Variants in SLC25A12 observed in about 807,000 individuals in gnomAD.
SLC25A12 encodes electrogenic aspartate/glutamate antiporter SLC25A12, mitochondrial.
A neutral mutation model predicts 83.3 loss-of-function variants in SLC25A12; 32 were observed. The observed-to-expected ratio is 0.38, with a 90% confidence interval of 0.29 to 0.52. The LOEUF (loss-of-function observed/expected upper bound fraction) is 0.52, where lower values mean the gene tolerates loss of function less well. Ranked by LOEUF, SLC25A12 falls within the 20% of genes least tolerant of loss-of-function variation. The pLI is 0.84. For synonymous variants in SLC25A12, 267 were observed against 291.1 expected (o/e 0.92, Z 0.84); for missense variants, 611 against 835.6 (o/e 0.73, Z 3.31).
chr2:171,892,792 T>C (rs1685971469), intron 2 of SLC25A12, among the ~76,000 whole-genome samples: 2 of 152,130 alleles, frequency 1.3e-5, no homozygotes, highest in African/African-American at 4.8e-5. Context: ...AATATTCTTA[T>C]CTCTGTAACA....
Position 171,828,088 on chromosome 2 carries a change from T to A in SLC25A12, c.846-1206A>T, listed in dbSNP as rs183332153. Among the ~76,000 whole-genome samples the A allele has an allele frequency of 2.0e-5, 3 of 152,290 alleles. No homozygotes were observed. In the East Asian group the frequency reaches 5.8e-4, roughly 29 times the overall value. On this transcript the variant is annotated intron_variant, in intron 8 of 17. Transcript: ENST00000422440. ...TCCATGTGGAAGCACCTGACCACCA[T>A]TGCCTGGTTTGGGTGAGGGACCTGA...
At chr2:171,868,260 T>G (rs905195086) in intron 3 of SLC25A12, among the ~76,000 whole-genome samples, 1 of 151,708 alleles carries the variant, frequency 6.6e-6, no homozygotes, top group African/African-American at 2.4e-5. Flanking sequence ...AATTACATGT[T>G]TACTAATATT....
intron 3 of SLC25A12, among the ~76,000 whole-genome samples, chr2:171,862,778 A>C (rs754613157): frequency 6.6e-6 from 1 of 152,248 alleles, no homozygotes; most frequent in Non-Finnish European, 1.5e-5. Context: ...TCAGAAAACT[A>C]TGATAGAACC....
chr2:171,832,597 A>T (rs1684465779), intron 8 of SLC25A12, among the ~76,000 whole-genome samples: 1 of 152,178 alleles, frequency 6.6e-6, no homozygotes, highest in Admixed American at 6.5e-5. Context: ...AACTGCAACT[A>T]CCAAGCACAA....
rs1250082421 is a variant in SLC25A12, at chr2:171,894,195, G to A, written c.12+8C>T. 1.9e-6 allele frequency: 3 copies of A among 1,608,668 alleles called. No individual in the cohort carries two copies. The highest frequency in any genetic ancestry group is 1.7e-6 in the Non-Finnish European group (2 of 1,177,722). ...GCAATAAAAGCAGCAGCAGAGAGTT[G>A]GAGTCACCTTGACCGCCATGCTGTG... On this transcript the variant is annotated splice_region_variant and intron_variant, in intron 1 of 17. Coordinates refer to ENST00000422440, the MANE Select transcript of SLC25A12 (RefSeq NM_003705.5).
At chr2:171,854,148 G>C (rs1218557823) in intron 4 of SLC25A12, among the ~76,000 whole-genome samples, 2 of 152,164 alleles carry the variant, frequency 1.3e-5, no homozygotes, top group Non-Finnish European at 2.9e-5. Flanking sequence ...GATGATGGAG[G>C]GTTTGTGCCT....
At chr2:171,848,758 G>C (rs747730194) in intron 4 of SLC25A12, among the ~76,000 whole-genome samples, 2 of 152,216 alleles carry the variant, frequency 1.3e-5, no homozygotes, top group Non-Finnish European at 2.9e-5. Context: ...TTTCCTGAAT[G>C]ACCTCCTGTT....
At chr2:171,850,007 T>C (rs1033901203) in intron 4 of SLC25A12, among the ~76,000 whole-genome samples, 18 of 152,074 alleles carry the variant, frequency 1.2e-4, no homozygotes, top group Admixed American at 3.3e-4. Flanking sequence ...TTTCACCATG[T>C]TGCCCAGGCT....
At chr2:171,820,588 C>T (rs1684166066) in intron 9 of SLC25A12, among the ~76,000 whole-genome samples, 1 of 130,702 alleles carries the variant, frequency 7.7e-6, no homozygotes, top group Non-Finnish European at 1.8e-5. Context: ...ATTAGCCGGG[C>T]GCAGTGGCGG....
chr2:171,795,776 AC>A (rs899799518), intron 13 of SLC25A12, among the ~76,000 whole-genome samples: 7 of 81,170 alleles, frequency 8.6e-5, no homozygotes, highest in African/African-American at 3.2e-4. Context: ...CGTGTCCCCC[AC>A]CCCCACCCCA....
Position 171,785,165 on chromosome 2 carries a change from G to C in SLC25A12, c.*109C>G. ...ATATGTCATACAGAAAGAAGAGTTT[G>C]ACTCCTCAGCTCAGTCAGTACCATG... On this transcript the variant is annotated 3_prime_UTR_variant, in exon 18 of 18. Transcript: ENST00000422440. 2.1e-6 allele frequency: 2 copies of C among 962,642 alleles called. No individual in the cohort carries two copies. The highest frequency in any genetic ancestry group is 1.7e-6 in the Non-Finnish European group (1 of 602,360). The allele number at this position is 962,642 out of a possible 1,614,324, so 59.6% of individuals were successfully genotyped here.
chr2:171,869,053 A>G (rs1685404611), intron 2 of SLC25A12, among the ~76,000 whole-genome samples: 1 of 152,022 alleles, frequency 6.6e-6, no homozygotes. Flanking sequence ...AAACATTATG[A>G]TAAGTGAAAG....
intron 4 of SLC25A12, among the ~76,000 whole-genome samples, chr2:171,852,865 T>C (rs968667876): frequency 1.3e-5 from 2 of 152,218 alleles, no homozygotes; most frequent in Non-Finnish European, 2.9e-5. Context: ...TCTCTCATTC[T>C]ACTTAAGAAA....
At chr2:171,810,046 T>C (rs1683918115) in intron 12 of SLC25A12, among the ~76,000 whole-genome samples, 178 bp downstream of exon 12, 1 of 152,182 alleles carries the variant, frequency 6.6e-6, no homozygotes, top group South Asian at 2.1e-4. Context: ...GTTGTTGTTT[T>C]GGTAGAGCTG....
chr2:171,808,588 A>G (rs1429678285), intron 13 of SLC25A12, among the ~76,000 whole-genome samples: 4 of 152,324 alleles, frequency 2.6e-5, no homozygotes, highest in Admixed American at 6.5e-5. Context: ...ATCCACTACT[A>G]TATTTTCTGT....
At chr2:171,809,562 ACGG>A in intron 13 of SLC25A12, 41 bp downstream of exon 13, 1 of 1,438,182 alleles carries the variant, frequency 7.0e-7, no homozygotes, top group East Asian at 2.3e-5. Flanking sequence ...AAAAAGGTCA[ACGG>A]AATGTATTTG....
chr2:171,840,897 G>A (rs374602088), intron 5 of SLC25A12, among the ~76,000 whole-genome samples: 6 of 152,188 alleles, frequency 3.9e-5, no homozygotes, highest in East Asian at 1.9e-4. Flanking sequence ...AAACACTCCC[G>A]AGTCAGAGTG....
At chr2:171,885,804 T>G (rs911153918) in intron 2 of SLC25A12, among the ~76,000 whole-genome samples, 2 of 152,242 alleles carry the variant, frequency 1.3e-5, no homozygotes, top group African/African-American at 4.8e-5. Flanking sequence ...GTGTGTCTCA[T>G]ACTGGGTTTA....
At chr2:171,854,112 AG>A (rs1190151852) in intron 4 of SLC25A12, among the ~76,000 whole-genome samples, 1 of 152,218 alleles carries the variant, frequency 6.6e-6, no homozygotes, top group African/African-American at 2.4e-5. Context: ...CAGCATTACT[AG>A]TAGTGCATGG....
Sources: allele counts gnomAD v4.1 joint callset (sites outside exome capture counted in the v4.1 genomes callset), GRCh38; gene constraint gnomAD v4.1.1; transcripts MANE v1.5; gene names NCBI Gene and HGNC (gene_info 2026-07-23, HGNC 2026-07-21).